OPRL1: variants seen among roughly 807,000 people sequenced by gnomAD.
The protein encoded by OPRL1 is nociceptin receptor.
In OPRL1, 5 loss-of-function variants were observed where a neutral mutation model predicts 15.5. That is an observed-to-expected ratio of 0.32 (90% CI 0.17 to 0.68). The LOEUF is 0.68. OPRL1 is among the 30% of genes least tolerant of loss of function. OPRL1 has a pLI of 0.72. For missense variants in OPRL1, 406 were observed against 515.3 expected, an observed-to-expected ratio of 0.79 and a Z score of 2.05; for synonymous variants, 223 against 230.2, an observed-to-expected ratio of 0.97 and a Z score of 0.28.
At position 64,083,490 on chromosome 20, in the gene OPRL1, C is replaced by T; in HGVS notation, c.-185+3138C>T. ...CTCCTCCAGGATGGTCTCCACGCGC[C>T]TCCGCTGCCGGGGAGAGAGGCTGGG... On this transcript the variant is annotated intron_variant, in intron 1 of 4. Transcript: ENST00000336866. This position sits in a 1 kb window ranked among gnomAD's most constrained non-coding sequence, Gnocchi z 4.9. 6.3e-7 allele frequency: 1 copy of T among 1,593,216 alleles called. No individual in the cohort carries two copies.
rs1391351314 is a variant in OPRL1 at position 64,083,692 on chromosome 20, G to C, written c.-185+3340G>C. The C allele has an allele frequency of 7.1e-7, 1 of 1,410,074 alleles. No individual in the cohort carries two copies. The highest frequency in any genetic ancestry group is 1.5e-5 in the African/African-American group (1 of 65,950). 87.3% of individuals were successfully genotyped at this position (1,410,074 alleles called of 1,614,324 possible). A position where few individuals can be genotyped will look rare whatever the true frequency, so the allele number is the denominator to read the frequency against. ...GGACTTCTGCCGCTGGATGAGCAGC[G>C]CGATCTCCTCGGCCTGCGGGGCCCG... On this transcript the variant is annotated intron_variant, in intron 1 of 4. Transcript: ENST00000336866. This position sits in a 1 kb window ranked among gnomAD's most constrained non-coding sequence, Gnocchi z 4.9.
At chr20:64,085,085 G>C (rs2060029963) in intron 1 of OPRL1, 2 of 152,256 alleles carry the variant, frequency 1.3e-5, no homozygotes, top group Admixed American at 1.3e-4. Flanking sequence ...GAGTCTGGGC[G>C]TGGACGCGCC....
intron 3 of OPRL1, among the ~76,000 whole-genome samples, chr20:64,095,436 T>G: frequency 6.7e-6 from 1 of 149,612 alleles, no homozygotes; most frequent in African/African-American, 2.5e-5. Flanking sequence ...ACGTGGATTG[T>G]GGATTGGGCA....
intron 1 of OPRL1, among the ~76,000 whole-genome samples, chr20:64,081,116 C>T (rs1029012361): frequency 1.4e-5 from 2 of 141,956 alleles, no homozygotes; most frequent in African/African-American, 5.4e-5. Flanking sequence ...GAGGGTATTG[C>T]GCTGCTGAGC....
intron 1 of OPRL1, among the ~76,000 whole-genome samples, chr20:64,087,088 T>G (rs2060060829): frequency 6.6e-6 from 1 of 152,232 alleles, no homozygotes; most frequent in African/African-American, 2.4e-5. Context: ...TGTCAGGCTT[T>G]AATCTGTGGA....
rs1258653490 is a variant in OPRL1, at chr20:64,098,173, C to G, written c.589+16C>G. The G allele has an allele frequency of 6.2e-7, 1 of 1,608,446 alleles. No individual in the cohort carries two copies. The highest frequency in any genetic ancestry group is 8.5e-7 in the Non-Finnish European group (1 of 1,176,330). ...GAGGATGAAGGTCAGTGGGGTGTCC[C>G]CTCCTCCCCTCACCAGGCTCCCTGG... is the stretch of plus-strand genomic sequence containing the variant. On this transcript the variant is annotated intron_variant, in intron 4 of 4. Coordinates refer to ENST00000336866, the MANE Select transcript of OPRL1 (RefSeq NM_182647.4).
chr20:64,082,638 C>T (rs2059979848), intron 1 of OPRL1, among the ~76,000 whole-genome samples: 1 of 152,158 alleles, frequency 6.6e-6, no homozygotes, highest in South Asian at 2.1e-4. Flanking sequence ...AAGCGGGGGC[C>T]TAGGGAAGCC....
At chr20:64,084,431 C>A in intron 1 of OPRL1, 1 of 1,241,692 alleles carries the variant, frequency 8.1e-7, no homozygotes, top group Non-Finnish European at 1.0e-6. Context: ...CTGCCATCGG[C>A]TGATCCTGCT....
At chr20:64,081,132 C>T (rs978918434) in intron 1 of OPRL1, among the ~76,000 whole-genome samples, 2 of 72,808 alleles carry the variant, frequency 2.7e-5, no homozygotes, top group African/African-American at 1.1e-4. Flanking sequence ...TGAGCGGGGG[C>T]GGGGGCCCGA....
chr20:64,096,872 C>CAT (rs1230949430), intron 3 of OPRL1, among the ~76,000 whole-genome samples: 3 of 137,668 alleles, frequency 2.2e-5, no homozygotes, highest in Non-Finnish European at 4.8e-5. Flanking sequence ...ATCACCACCA[C>CAT]CACCATCATT....
intron 2 of OPRL1, 102 bp from the exon 3 acceptor site, chr20:64,092,586 G>T: frequency 1.2e-6 from 1 of 811,470 alleles, no homozygotes. Context: ...GCTGCCCAGC[G>T]TGGGGGTCCA....
In OPRL1 at chr20:64,083,767, C is replaced by A. The variant is rs1487576979; in HGVS notation, c.-185+3415C>A. On this transcript the variant is annotated intron_variant, in intron 1 of 4. Transcript: ENST00000336866. This position sits in a 1 kb window ranked among gnomAD's most constrained non-coding sequence, Gnocchi z 4.9. ...CGCCCCGCCCCGCCCCGGCCGGCTCCGCTCAACGCTCCCGGTGCGCCCCCT... is the reference window on the plus strand; with the variant it reads ...CGCCCCGCCCCGCCCCGGCCGGCTCAGCTCAACGCTCCCGGTGCGCCCCCT... 3 of 1,332,914 alleles carry A rather than the reference C, an allele frequency of 2.3e-6. No individual in the cohort carries two copies. Among genetic ancestry groups the A allele is most frequent in the African/African-American group, 1.5e-5 (1 of 64,616 alleles). The allele number at this position is 1,332,914 out of a possible 1,614,324, so 82.6% of individuals were successfully genotyped here.
At position 64,098,097 on chromosome 20, in the gene OPRL1, C is replaced by T. The variant is rs138210528; in HGVS notation, c.529C>T (p.Leu177=). 4.3e-6 allele frequency: 7 copies of T among 1,613,200 alleles called. No homozygotes were observed. Among genetic ancestry groups the T allele is most frequent in the Admixed American group, 1.7e-5 (1 of 60,006 alleles). Residue 177 remains leucine, a synonymous_variant, in exon 4 of 5, where the codon CTG becomes TTG. Coordinates refer to ENST00000336866, the MANE Select transcript of OPRL1 (RefSeq NM_182647.4). The part of the protein sequence containing the change: ...AQAVNVAIWA[L]ASVVGVPVAI... ...GGCTGTCAATGTGGCCATCTGGGCCCTGGCCTCTGTTGTCGGTGTTCCCGT... is the reference window on the plus strand; with the variant it reads ...GGCTGTCAATGTGGCCATCTGGGCCTTGGCCTCTGTTGTCGGTGTTCCCGT...
In OPRL1 at chr20:64,092,774, T is replaced by C. The variant is rs1978353697; in HGVS notation, c.54T>C (p.Leu18=). ...PFWEVIYGSH[L]QGNLSLLSPN... Reference sequence around the variant, plus strand: ...GGGAGGTTATCTACGGCAGCCACCTTCAGGGCAACCTGTCCCTCCTGAGCC... The same window carrying C: ...GGGAGGTTATCTACGGCAGCCACCTCCAGGGCAACCTGTCCCTCCTGAGCC... The change falls in exon 3 of 5, where the codon CTT becomes CTC. Residue 18 remains leucine (L), a synonymous_variant. Coordinates refer to ENST00000336866, the MANE Select transcript of OPRL1 (RefSeq NM_182647.4). The C allele has an allele frequency of 6.2e-7, 1 of 1,612,630 alleles. No homozygotes were observed. The highest frequency in any genetic ancestry group is 8.5e-7 in the Non-Finnish European group (1 of 1,179,948).
chr20:64,080,484 G>C (rs928915970), intron 1 of OPRL1, 132 bp downstream of exon 1: 1 of 152,420 alleles, frequency 6.6e-6, no homozygotes. Context: ...GGGGAGAACT[G>C]GGGGTGCGGG....
At chr20:64,082,362 C>T (rs184953546) in intron 1 of OPRL1, among the ~76,000 whole-genome samples, 33 of 152,324 alleles carry the variant, frequency 2.2e-4, no homozygotes, top group African/African-American at 7.5e-4. Flanking sequence ...AGGCCAAGGG[C>T]AGCAACAGCC....
At chr20:64,098,190 G>C in intron 4 of OPRL1, 33 bp downstream of exon 4, 1 of 1,605,078 alleles carries the variant, frequency 6.2e-7, no homozygotes, top group Non-Finnish European at 8.5e-7. Context: ...CCCTCACCAG[G>C]CTCCCTGGCT....
chr20:64,088,482 T>TGC (rs2060075412), intron 1 of OPRL1, among the ~76,000 whole-genome samples: 1 of 148,010 alleles, frequency 6.8e-6, no homozygotes, highest in African/African-American at 2.5e-5. Flanking sequence ...GCAGGATCTG[T>TGC]ACAGAGGGAC....
At position 64,090,387 on chromosome 20, in the gene OPRL1, C is replaced by G. The variant is rs1263503699; in HGVS notation, c.-184-1579C>G. 6.6e-6 allele frequency among the ~76,000 whole-genome samples: 1 copy of G among 152,176 alleles called. No homozygotes were observed. Among genetic ancestry groups the G allele is most frequent in the Non-Finnish European group, 1.5e-5 (1 of 68,024 alleles). On this transcript the variant is annotated intron_variant, in intron 1 of 4. Transcript: ENST00000336866. The surrounding 1 kb of genome is among the most constrained non-coding windows in gnomAD (Gnocchi z 4.9). ...GGGGGACAGCGAGGGATGCTGGGTC[C>G]TGGGGCATCTGCCTGTTCCGTCCTC...
Sources: allele counts gnomAD v4.1 joint callset (sites outside exome capture counted in the v4.1 genomes callset), GRCh38; gene constraint gnomAD v4.1.1; non-coding constraint Gnocchi (gnomAD v3.1); transcripts MANE v1.5; gene names NCBI Gene and HGNC (gene_info 2026-07-23, HGNC 2026-07-21).